Variants in CPNE9 observed in about 807,000 individuals in gnomAD.
The protein encoded by CPNE9 is copine family member 9.
In CPNE9, 59 loss-of-function variants were observed where a neutral mutation model predicts 83.0. The observed-to-expected ratio is 0.71, with a 90% CI of 0.58 to 0.88. The LOEUF (loss-of-function observed/expected upper bound fraction) is 0.88, where lower values mean the gene tolerates loss of function less well. CPNE9 is among the 40% of genes least tolerant of loss of function. CPNE9 has a pLI of 0.00. For missense variants in CPNE9, 619 were observed against 720.8 expected, an observed-to-expected ratio of 0.86 and a Z score of 1.62; for synonymous variants, 256 against 273.4, an observed-to-expected ratio of 0.94 and a Z score of 0.63.
intron 17 of CPNE9, among the ~76,000 whole-genome samples, chr3:9,723,253 C>G (rs1181647166): frequency 6.6e-6 from 1 of 152,156 alleles, no homozygotes; most frequent in Non-Finnish European, 1.5e-5. Flanking sequence ...GGGCGGATCA[C>G]TTGAGGTCAG....
chr3:9,706,191 T>A (rs1252091940), intron 7 of CPNE9, 128 bp downstream of exon 7: 1 of 773,328 alleles, frequency 1.3e-6, no homozygotes, highest in Admixed American at 2.5e-5. Flanking sequence ...CCGGCTCCCA[T>A]CACCCTCGTA....
intron 17 of CPNE9, 26 bp from the exon 18 acceptor site, chr3:9,725,923 G>A: frequency 3.2e-6 from 5 of 1,569,442 alleles, no homozygotes; most frequent in Non-Finnish European, 4.4e-6. Flanking sequence ...GCTTTCAGCT[G>A]GATTCTCATT....
intron 7 of CPNE9, among the ~76,000 whole-genome samples, chr3:9,707,955 T>C (rs534669064): frequency 3.8e-4 from 58 of 152,162 alleles, no homozygotes; most frequent in Non-Finnish European, 6.9e-4. Flanking sequence ...TGTTGTTTTT[T>C]CAAGACAGGC....
chr3:9,727,608 T>C (rs899942299), intron 20 of CPNE9, among the ~76,000 whole-genome samples: 3 of 152,084 alleles, frequency 2.0e-5, no homozygotes, highest in African/African-American at 7.2e-5. Context: ...AGGAGCAGCA[T>C]GTGAGAAGGC....
chr3:9,706,688 G>C (rs1263225872), intron 7 of CPNE9, among the ~76,000 whole-genome samples: 1 of 152,228 alleles, frequency 6.6e-6, no homozygotes, highest in Non-Finnish European at 1.5e-5. Context: ...AAGTAGAGCA[G>C]AATCAACGGA....
intron 20 of CPNE9, among the ~76,000 whole-genome samples, chr3:9,727,734 C>G (rs1019866287): frequency 6.6e-6 from 1 of 152,124 alleles, no homozygotes; most frequent in Non-Finnish European, 1.5e-5. Flanking sequence ...TTGGAAAGCT[C>G]TTGAAGGATT....
At chr3:9,725,851 G>C in intron 17 of CPNE9, 98 bp from the exon 18 acceptor site, 3 of 900,830 alleles carry the variant, frequency 3.3e-6, no homozygotes, top group South Asian at 2.6e-5. Context: ...CCCAGTTCCT[G>C]CCCACTGCCC....
At chr3:9,723,913 AG>A (rs201207045) in intron 17 of CPNE9, among the ~76,000 whole-genome samples, 2,180 of 152,322 alleles carry the variant, frequency 0.014, 54 homozygotes, top group African/African-American at 0.048. Flanking sequence ...GTTTCAATAC[AG>A]TACTGTCCAA....
At chr3:9,727,441 C>T in intron 20 of CPNE9, 1 of 717,274 alleles carries the variant, frequency 1.4e-6, no homozygotes, top group South Asian at 1.5e-5. Context: ...TAAATAATCA[C>T]ACAAAGAAAT....
intron 11 of CPNE9, among the ~76,000 whole-genome samples, 154 bp from the exon 12 acceptor site, chr3:9,715,135 G>A (rs1575124148): frequency 1.3e-5 from 2 of 152,174 alleles, no homozygotes; most frequent in Non-Finnish European, 2.9e-5. Context: ...GTCTCTTCCC[G>A]TTTTTCCCCT....
At chr3:9,721,520 CTTGGT>C (rs1310123663) in intron 17 of CPNE9, among the ~76,000 whole-genome samples, 1 of 152,170 alleles carries the variant, frequency 6.6e-6, no homozygotes, top group Non-Finnish European at 1.5e-5. Context: ...GACAGCCCAT[CTTGGT>C]GGGTGGAGCA....
intron 7 of CPNE9, among the ~76,000 whole-genome samples, chr3:9,706,643 A>G (rs905247778): frequency 2.0e-5 from 3 of 152,218 alleles, no homozygotes; most frequent in East Asian, 1.9e-4. Context: ...TACATAATAG[A>G]TTAGACAATA....
intron 13 of CPNE9, 52 bp from the exon 14 acceptor site, chr3:9,715,920 TGC>T: frequency 3.9e-6 from 6 of 1,524,080 alleles, no homozygotes; most frequent in Non-Finnish European, 5.4e-6. Flanking sequence ...CACTTCCTTC[TGC>T]CACCCCAACT....
At chr3:9,716,265 G>A (rs926546712) in intron 14 of CPNE9, among the ~76,000 whole-genome samples, 2 of 152,176 alleles carry the variant, frequency 1.3e-5, no homozygotes, top group East Asian at 3.8e-4. Flanking sequence ...CTGGGAAGAT[G>A]GCTCCCAGAC....
At chr3:9,711,997 C>T (rs1167532383) in intron 7 of CPNE9, among the ~76,000 whole-genome samples, 1 of 152,204 alleles carries the variant, frequency 6.6e-6, no homozygotes, top group Non-Finnish European at 1.5e-5. Flanking sequence ...CACCTACCCC[C>T]GCCCCCAAAG....
chr3:9,713,438 G>A (rs1034164117), intron 10 of CPNE9, among the ~76,000 whole-genome samples: 1 of 152,150 alleles, frequency 6.6e-6, no homozygotes, highest in Non-Finnish European at 1.5e-5. Context: ...GGGTAGAGGG[G>A]CAGATAAATG....
chr3:9,717,858 G>T (rs1203036373), intron 15 of CPNE9, among the ~76,000 whole-genome samples, 171 bp from the exon 16 acceptor site: 3 of 152,096 alleles, frequency 2.0e-5, no homozygotes, highest in Non-Finnish European at 4.4e-5. Flanking sequence ...AGGGATGGGT[G>T]GGTGGATAGA....
At chr3:9,722,684 T>C (rs1277634296) in intron 17 of CPNE9, among the ~76,000 whole-genome samples, 1 of 152,064 alleles carries the variant, frequency 6.6e-6, no homozygotes, top group African/African-American at 2.4e-5. Context: ...CAGGCTAATT[T>C]TATTATTTTT....
chr3:9,715,861 G>T, intron 13 of CPNE9, 113 bp from the exon 14 acceptor site: 1 of 851,324 alleles, frequency 1.2e-6, no homozygotes, highest in South Asian at 1.5e-5. Flanking sequence ...GGAGCGGGTG[G>T]AATCATGTGC....
Sources: gnomAD v4.1 joint callset for allele counts (sites outside exome capture counted in the v4.1 genomes callset) on GRCh38, gnomAD v4.1.1 for gene constraint, MANE v1.5 for transcripts, NCBI Gene and HGNC (gene_info 2026-07-23, HGNC 2026-07-21) for gene names.